The following SLC7A14 variants were observed in gnomAD, a reference collection of about 807,000 sequenced individuals.
SLC7A14 encodes solute carrier family 7 member 14.
A neutral mutation model predicts 60.2 loss-of-function variants in SLC7A14; 37 were observed. That is an observed-to-expected ratio of 0.61 (90% CI 0.47 to 0.81). The LOEUF is 0.81. Among genes scored for constraint, SLC7A14 ranks in the 30% least tolerant of loss-of-function variants. SLC7A14 has a pLI of 0.00. For synonymous variants in SLC7A14, 399 were observed against 395.8 expected, an observed-to-expected ratio of 1.01 and a Z score of -0.10; for missense variants, 886 against 982.7, an observed-to-expected ratio of 0.90 and a Z score of 1.32.
At chr3:170,577,217 A>T (rs1327787948) in intron 1 of SLC7A14, among the ~76,000 whole-genome samples, 1 of 152,240 alleles carries the variant, frequency 6.6e-6, no homozygotes, top group Non-Finnish European at 1.5e-5. Flanking sequence ...GTCTTGAAGT[A>T]GTGAATGGTG....
chr3:170,465,457 A>G lies in SLC7A14; in HGVS notation c.*1598T>C, dbSNP rs984397610. The G allele has an allele frequency of 2.0e-5, 3 of 152,262 alleles. No individual in the cohort carries two copies. The highest frequency in any genetic ancestry group is 2.9e-5 in the Non-Finnish European group (2 of 68,050). 9.4% of individuals were successfully genotyped at this position (152,262 alleles called of 1,614,324 possible). A position where few individuals can be genotyped will look rare whatever the true frequency, so the allele number is the denominator to read the frequency against. ...TCTCAACCAGTGTTAGTTGAATGAA[A>G]AAATGGACTTTTACCTCCTTGCCAT... On this transcript the variant is annotated 3_prime_UTR_variant, in exon 8 of 8. Coordinates refer to ENST00000231706, the MANE Select transcript of SLC7A14 (RefSeq NM_020949.3).
chr3:170,496,265 T>C, intron 4 of SLC7A14: 1 of 961,156 alleles, frequency 1.0e-6, no homozygotes, highest in Non-Finnish European at 1.7e-6. Flanking sequence ...GGGCTGAGGC[T>C]GAGAGCATGT....
At chr3:170,470,308 A>ATTGTG (rs372412774) in intron 7 of SLC7A14, among the ~76,000 whole-genome samples, 1 of 143,594 alleles carries the variant, frequency 7.0e-6, no homozygotes, top group Non-Finnish European at 1.5e-5. Flanking sequence ...TGGAAGGAAC[A>ATTGTG]TGTGTGTGTG....
chr3:170,504,031 G>A (rs986083106), intron 2 of SLC7A14, among the ~76,000 whole-genome samples: 7 of 152,172 alleles, frequency 4.6e-5, no homozygotes, highest in Non-Finnish European at 8.8e-5. Context: ...TCTGCTTCAC[G>A]AAATCGTTGT....
chr3:170,470,106 G>A (rs974488516), intron 7 of SLC7A14, among the ~76,000 whole-genome samples: 1 of 152,170 alleles, frequency 6.6e-6, no homozygotes, highest in East Asian at 1.9e-4. Context: ...AACAGAGGCT[G>A]GGAAAGAATA....
intron 2 of SLC7A14, among the ~76,000 whole-genome samples, chr3:170,521,539 G>A (rs1713338977): frequency 6.6e-6 from 1 of 152,154 alleles, no homozygotes; most frequent in Non-Finnish European, 1.5e-5. Flanking sequence ...GAAAGTATTT[G>A]CAAAAATACA....
chr3:170,539,511 T>A (rs1366258489), intron 1 of SLC7A14, among the ~76,000 whole-genome samples: 1 of 152,242 alleles, frequency 6.6e-6, no homozygotes, highest in African/African-American at 2.4e-5. Context: ...TATGTATCCA[T>A]CTATTCACTT....
At chr3:170,573,629 A>T (rs1045081497) in intron 1 of SLC7A14, among the ~76,000 whole-genome samples, 1 of 152,222 alleles carries the variant, frequency 6.6e-6, no homozygotes, top group African/African-American at 2.4e-5. Flanking sequence ...CTGCATAAAG[A>T]CTAGATAAAG....
At chr3:170,496,703 G>A in intron 4 of SLC7A14, 1 of 902,326 alleles carries the variant, frequency 1.1e-6, no homozygotes, top group South Asian at 1.3e-5. Flanking sequence ...GGTGGTCTGA[G>A]TTCCGCCTAT....
At chr3:170,520,034 G>T (rs1713296476) in intron 2 of SLC7A14, among the ~76,000 whole-genome samples, 1 of 152,230 alleles carries the variant, frequency 6.6e-6, no homozygotes, top group Non-Finnish European at 1.5e-5. Context: ...GGACAGAAAT[G>T]AAATTCTCCC....
At chr3:170,555,351 T>C (rs1432887582) in intron 1 of SLC7A14, among the ~76,000 whole-genome samples, 2 of 152,130 alleles carry the variant, frequency 1.3e-5, no homozygotes, top group Non-Finnish European at 2.9e-5. Flanking sequence ...TCTGAAATTA[T>C]GTTCAATCTG....
At chr3:170,497,103 A>G (rs1332719673) in intron 4 of SLC7A14, among the ~76,000 whole-genome samples, 2 of 151,094 alleles carry the variant, frequency 1.3e-5, no homozygotes, top group Non-Finnish European at 2.9e-5. Context: ...AAAAAAAAAA[A>G]AAAAAAAGAA....
chr3:170,573,101 C>T (rs965936980), intron 1 of SLC7A14, among the ~76,000 whole-genome samples: 1 of 152,202 alleles, frequency 6.6e-6, no homozygotes, highest in East Asian at 1.9e-4. Context: ...TGTCAGGGTC[C>T]ACACATGGAG....
chr3:170,475,617 G>T (rs569449640), intron 7 of SLC7A14, among the ~76,000 whole-genome samples: 1 of 152,204 alleles, frequency 6.6e-6, no homozygotes, highest in Non-Finnish European at 1.5e-5. Flanking sequence ...TCCCCTTAGA[G>T]CAGTGGCACG....
intron 5 of SLC7A14, among the ~76,000 whole-genome samples, chr3:170,484,898 C>G (rs1392423595): frequency 1.9e-4 from 29 of 152,088 alleles, no homozygotes; most frequent in Non-Finnish European, 1.5e-5. Context: ...CAGGGAGTCT[C>G]CTGAGTTAGA....
At chr3:170,543,618 G>C (rs1162073702) in intron 1 of SLC7A14, among the ~76,000 whole-genome samples, 1 of 151,588 alleles carries the variant, frequency 6.6e-6, no homozygotes. Flanking sequence ...ACTCCAGCCT[G>C]GGCAACAAGA....
chr3:170,543,595 A>G (rs1329679651), intron 1 of SLC7A14, among the ~76,000 whole-genome samples: 1 of 151,774 alleles, frequency 6.6e-6, no homozygotes, highest in Non-Finnish European at 1.5e-5. Flanking sequence ...GTGAGCCGAG[A>G]TCGCCCCATT....
At chr3:170,508,020 T>C (rs1204183228) in intron 2 of SLC7A14, among the ~76,000 whole-genome samples, 1 of 152,206 alleles carries the variant, frequency 6.6e-6, no homozygotes, top group Non-Finnish European at 1.5e-5. Context: ...GCGTATTCAA[T>C]TAATGGCAGA....
intron 1 of SLC7A14, among the ~76,000 whole-genome samples, chr3:170,545,419 A>G (rs1210279573): frequency 6.6e-6 from 1 of 152,204 alleles, no homozygotes. Context: ...TAATGTAGTA[A>G]CAGGAGAACA....
Sources: gnomAD v4.1 joint callset for allele counts (sites outside exome capture counted in the v4.1 genomes callset) on GRCh38, gnomAD v4.1.1 for gene constraint, MANE v1.5 for transcripts, NCBI Gene and HGNC (gene_info 2026-07-23, HGNC 2026-07-21) for gene names.